Variants in METTL4 observed in about 807,000 individuals in gnomAD.
METTL4 encodes the protein methyltransferase 4, N6-adenosine.
A neutral mutation model predicts 54.0 loss-of-function variants in METTL4; 40 were observed. The observed-to-expected ratio is 0.74, with a 90% CI of 0.58 to 0.96. The LOEUF (loss-of-function observed/expected upper bound fraction) is 0.96, where lower values mean the gene tolerates loss of function less well. METTL4 is among the 50% of genes least tolerant of loss of function. The pLI, the probability that METTL4 is intolerant of heterozygous loss-of-function variation, is 0.00. For missense variants in METTL4, 525 were observed against 549.0 expected, an observed-to-expected ratio of 0.96 and a Z score of 0.44; for synonymous variants, 169 against 183.8, an observed-to-expected ratio of 0.92 and a Z score of 0.65.
chr18:2,547,402 A>T lies in METTL4; in HGVS notation c.1027T>A (p.Tyr343Asn). 1 of 1,610,752 alleles carries T rather than the reference A, an allele frequency of 6.2e-7. No homozygotes were observed. Among genetic ancestry groups the T allele is most frequent in the South Asian group, 1.1e-5 (1 of 90,480 alleles). The change falls in exon 6 of 9, where the codon TAT (tyrosine) becomes AAT (asparagine). Residue 343 changes from tyrosine to asparagine, a missense_variant. Coordinates refer to ENST00000574538, the MANE Select transcript of METTL4 (RefSeq NM_022840.5). ...KHLRFIKEEL[Y>N]PSWSVEVVAE... is the part of the protein sequence containing the mutation. ...ACTACCTCCACAGACCAAGAGGGAT[A>T]AAGTTCTTCCTTTATAAAACGTAGG... is the stretch of plus-strand genomic sequence containing the variant.
Position 2,537,736 on chromosome 18 carries a change from T to C in METTL4, c.*1264A>G, listed in dbSNP as rs2071932076. Reference sequence around the variant, plus strand: ...CATTTCAGTCTAACATTTTACTTAGTGGATAAATATTTGTCAACAATCTGT... The same window carrying C: ...CATTTCAGTCTAACATTTTACTTAGCGGATAAATATTTGTCAACAATCTGT... On this transcript the variant is annotated 3_prime_UTR_variant, in exon 9 of 9. Coordinates refer to ENST00000574538, the MANE Select transcript of METTL4 (RefSeq NM_022840.5). 5.0e-6 allele frequency: 2 copies of C among 396,590 alleles called. No individual in the cohort carries two copies. Among genetic ancestry groups the C allele is most frequent in the Middle Eastern group, 6.3e-4 (1 of 1,576 alleles). The allele number at this position is 396,590 out of a possible 1,614,324, so 24.6% of individuals were successfully genotyped here.
chr18:2,543,129 A>T (rs1200051498), intron 8 of METTL4, among the ~76,000 whole-genome samples: 1 of 151,728 alleles, frequency 6.6e-6, no homozygotes, highest in Non-Finnish European at 1.5e-5. Flanking sequence ...AAAAAAAAAA[A>T]AAATTAAAAA....
chr18:2,562,385 G>GA (rs1380869972), intron 3 of METTL4, among the ~76,000 whole-genome samples: 1 of 151,936 alleles, frequency 6.6e-6, no homozygotes, highest in Non-Finnish European at 1.5e-5. Context: ...AAGAAAAAAT[G>GA]AAAGTTAAAC....
intron 3 of METTL4, among the ~76,000 whole-genome samples, chr18:2,560,560 T>C (rs1425129410): frequency 6.6e-6 from 1 of 152,088 alleles, no homozygotes; most frequent in Non-Finnish European, 1.5e-5. Context: ...CTTATGACTG[T>C]CCCAAATAAA....
intron 4 of METTL4, chr18:2,554,239 C>CA (rs1567968617): frequency 6.7e-6 from 1 of 149,890 alleles, no homozygotes; most frequent in African/African-American, 2.6e-5. Context: ...TAACTTTGTA[C>CA]GGAAATGTTT....
At chr18:2,546,912 T>C (rs1342592534) in intron 6 of METTL4, among the ~76,000 whole-genome samples, 5 of 152,100 alleles carry the variant, frequency 3.3e-5, no homozygotes, top group African/African-American at 1.2e-4. Flanking sequence ...CCCTCTACAA[T>C]GGGTTACTTT....
rs1598358641 is a variant in METTL4, at chr18:2,567,335, T to A, written c.-119A>T. 1 of 856,400 alleles carries A rather than the reference T, an allele frequency of 1.2e-6. No homozygotes were observed. Among genetic ancestry groups the A allele is most frequent in the East Asian group, 2.6e-5 (1 of 37,956 alleles). The allele number at this position is 856,400 out of a possible 1,614,324, so 53.1% of individuals were successfully genotyped here. A position where few individuals can be genotyped will look rare whatever the true frequency, so the allele number is the denominator to read the frequency against. On this transcript the variant is annotated 5_prime_UTR_variant, in exon 2 of 9. Transcript: ENST00000574538. Reference sequence around the variant, plus strand: ...CATACACTTCATACACACAGATAGATTTGATATACAAGTACAAAAACCTGA... The same window carrying A: ...CATACACTTCATACACACAGATAGAATTGATATACAAGTACAAAAACCTGA...
intron 8 of METTL4, chr18:2,540,022 T>C (rs2071971338): frequency 1.0e-6 from 1 of 978,298 alleles, no homozygotes. Flanking sequence ...TTTCAAATTA[T>C]AGATCCTTCT....
chr18:2,560,745 G>C (rs1383121406), intron 3 of METTL4, among the ~76,000 whole-genome samples: 2 of 152,008 alleles, frequency 1.3e-5, no homozygotes, highest in African/African-American at 4.8e-5. Context: ...TGGGCGTAGT[G>C]GCGGGCGCCT....
chr18:2,548,770 C>T (rs536866316), intron 5 of METTL4, among the ~76,000 whole-genome samples: 6 of 152,252 alleles, frequency 3.9e-5, no homozygotes, highest in East Asian at 3.9e-4. Context: ...TCTTCTTCCC[C>T]GTGGACCGCC....
chr18:2,562,536 C>G (rs182403065), intron 3 of METTL4, among the ~76,000 whole-genome samples: 11 of 152,166 alleles, frequency 7.2e-5, no homozygotes, highest in African/African-American at 2.6e-4. Context: ...TGACCATGAA[C>G]AAATAAATGA....
intron 4 of METTL4, chr18:2,553,003 T>C (rs2072185963): frequency 2.3e-6 from 1 of 429,142 alleles, no homozygotes; most frequent in Non-Finnish European, 4.2e-6. Context: ...AGAGACTATC[T>C]GCAGATGACT....
At chr18:2,562,174 CCAGCCTGGGCAA>C (rs2072331502) in intron 3 of METTL4, 1 of 152,796 alleles carries the variant, frequency 6.5e-6, no homozygotes, top group South Asian at 2.1e-4. Context: ...GAGTTCAAGA[CCAGCCTGGGCAA>C]CATAGTTAAG....
chr18:2,560,955 T>C (rs1468135213), intron 3 of METTL4, among the ~76,000 whole-genome samples: 1 of 152,156 alleles, frequency 6.6e-6, no homozygotes, highest in East Asian at 1.9e-4. Context: ...AATGCAAGGA[T>C]GGTTAATTGA....
chr18:2,550,634 A>C (rs2072139695), intron 5 of METTL4, among the ~76,000 whole-genome samples: 3 of 152,232 alleles, frequency 2.0e-5, no homozygotes, highest in Admixed American at 2.0e-4. Context: ...AGCCACCCAT[A>C]GGATCAAAAA....
Position 2,569,741 on chromosome 18 carries a change from A to G in METTL4, c.-439+1408T>C, listed in dbSNP as rs76111573. Among the ~76,000 whole-genome samples, 36 of 152,100 alleles carry G rather than the reference A, an allele frequency of 2.4e-4. 1 individual carries two copies. In the East Asian group the frequency reaches 5.6e-3, roughly 24 times the overall value. ...CCATGAGGAATTCAGGGCTTTCCCCATATCTTCTCTTCCCCACCTTTATCA... is the reference window on the plus strand; with the variant it reads ...CCATGAGGAATTCAGGGCTTTCCCCGTATCTTCTCTTCCCCACCTTTATCA... On this transcript the variant is annotated intron_variant, in intron 1 of 8. Coordinates refer to ENST00000574538, the MANE Select transcript of METTL4 (RefSeq NM_022840.5).
chr18:2,551,932 C>T (rs1460397081), intron 5 of METTL4, among the ~76,000 whole-genome samples: 4 of 152,212 alleles, frequency 2.6e-5, no homozygotes, highest in Non-Finnish European at 5.9e-5. Flanking sequence ...CGGTGGCTCA[C>T]GTCTGTAATC....
Position 2,567,264 on chromosome 18 carries a change from T to C in METTL4, c.-48A>G. ...TGGGAATTAGGAACTAGAATGAAAA[T>C]CCAACTTTCCAGATCAGCTTCTTAA... On this transcript the variant is annotated 5_prime_UTR_variant, in exon 2 of 9. Transcript: ENST00000574538. 6.7e-7 allele frequency: 1 copy of C among 1,499,344 alleles called. No individual in the cohort carries two copies. The highest frequency in any genetic ancestry group is 8.9e-7 in the Non-Finnish European group (1 of 1,118,202). 92.9% of individuals were successfully genotyped at this position (1,499,344 alleles called of 1,614,324 possible).
chr18:2,555,843 T>TAA (rs33960748), intron 3 of METTL4, among the ~76,000 whole-genome samples: 1 of 143,178 alleles, frequency 7.0e-6, no homozygotes. Context: ...TTGGTATGTT[T>TAA]AAAAAAAAAA....
Sources: allele counts gnomAD v4.1 joint callset (sites outside exome capture counted in the v4.1 genomes callset), GRCh38; gene constraint gnomAD v4.1.1; transcripts MANE v1.5; gene names NCBI Gene and HGNC (gene_info 2026-07-23, HGNC 2026-07-21).